The following ETV6 variants were observed in gnomAD, a reference collection of about 807,000 sequenced individuals.
The protein encoded by ETV6 is ETS variant transcription factor 6.
ETV6 carries 16 observed loss-of-function variants against 51.1 expected under a neutral mutation model. That is an observed-to-expected ratio of 0.31 (90% CI 0.21 to 0.48). The LOEUF is 0.48. Among genes scored for constraint, ETV6 ranks in the 20% least tolerant of loss-of-function variants. The pLI is 0.99. For missense variants in ETV6, 458 were observed against 594.8 expected (o/e 0.77, Z 2.39); for synonymous variants, 240 against 224.1 (o/e 1.07, Z -0.64).
intron 2 of ETV6, among the ~76,000 whole-genome samples, chr12:11,817,627 G>A (rs1416688574): frequency 6.6e-6 from 1 of 152,116 alleles, no homozygotes; most frequent in Non-Finnish European, 1.5e-5. Flanking sequence ...CCATTTTAAT[G>A]CACAAATCAT....
intron 1 of ETV6, among the ~76,000 whole-genome samples, chr12:11,655,497 C>T (rs1863984106): frequency 6.6e-6 from 1 of 152,160 alleles, no homozygotes; most frequent in African/African-American, 2.4e-5. Flanking sequence ...AAAACAAACA[C>T]ATTTTTATTG....
intron 1 of ETV6, among the ~76,000 whole-genome samples, chr12:11,746,181 C>T (rs906790791): frequency 6.6e-6 from 1 of 152,200 alleles, no homozygotes; most frequent in East Asian, 1.9e-4. Flanking sequence ...ACGAAATATT[C>T]GAAGGCTGCT....
chr12:11,719,877 G>A (rs573066597), intron 1 of ETV6, among the ~76,000 whole-genome samples: 5 of 152,306 alleles, frequency 3.3e-5, no homozygotes, highest in South Asian at 2.1e-4. Context: ...GATAGGAAGC[G>A]GTCCTGTGGT....
chr12:11,658,928 T>C (rs1325735726), intron 1 of ETV6, among the ~76,000 whole-genome samples: 4 of 152,200 alleles, frequency 2.6e-5, no homozygotes, highest in African/African-American at 9.6e-5. Context: ...AGCGCTCAAG[T>C]ATTTGAACCT....
At chr12:11,666,203 A>T (rs1864190903) in intron 1 of ETV6, among the ~76,000 whole-genome samples, 1 of 152,040 alleles carries the variant, frequency 6.6e-6, no homozygotes, top group Non-Finnish European at 1.5e-5. Flanking sequence ...GCTTGCTGAA[A>T]CTTCTCTGAG....
intron 1 of ETV6, among the ~76,000 whole-genome samples, chr12:11,714,677 T>A (rs563050478): frequency 7.5e-4 from 107 of 143,208 alleles, no homozygotes; most frequent in African/African-American, 2.6e-3. Context: ...AAAAAAGATC[T>A]GTGATGGAAG....
chr12:11,678,335 A>AG (rs1157565322), intron 1 of ETV6, among the ~76,000 whole-genome samples: 1 of 152,136 alleles, frequency 6.6e-6, no homozygotes, highest in Non-Finnish European at 1.5e-5. Context: ...GTCAGGAAGG[A>AG]GGTCTGTATG....
chr12:11,814,729 T>C (rs1002223130), intron 2 of ETV6, among the ~76,000 whole-genome samples: 10 of 152,232 alleles, frequency 6.6e-5, no homozygotes, highest in African/African-American at 2.4e-4. Flanking sequence ...GAAACATAAA[T>C]GCAGTATACA....
intron 1 of ETV6, among the ~76,000 whole-genome samples, chr12:11,692,013 G>C (rs1864776455): frequency 6.6e-6 from 1 of 152,168 alleles, no homozygotes; most frequent in Admixed American, 6.5e-5. Context: ...ACACTTCTAT[G>C]GTTTGAGTAT....
chr12:11,751,068 A>G (rs1565511296), intron 1 of ETV6, among the ~76,000 whole-genome samples: 3 of 152,126 alleles, frequency 2.0e-5, no homozygotes, highest in South Asian at 2.1e-4. Flanking sequence ...CAACTGCCCT[A>G]CTTGCTTCTG....
At chr12:11,744,663 G>A (rs1865874189) in intron 1 of ETV6, among the ~76,000 whole-genome samples, 1 of 152,164 alleles carries the variant, frequency 6.6e-6, no homozygotes, top group South Asian at 2.1e-4. Context: ...TTTGAGCAAA[G>A]GCAATCCTCT....
At chr12:11,801,564 A>G (rs1016932938) in intron 2 of ETV6, among the ~76,000 whole-genome samples, 1 of 152,222 alleles carries the variant, frequency 6.6e-6, no homozygotes, top group Admixed American at 6.5e-5. Flanking sequence ...TCACGCAGGC[A>G]TTTGCTATAG....
intron 1 of ETV6, among the ~76,000 whole-genome samples, chr12:11,743,215 CTTT>C (rs1865843200): frequency 6.6e-6 from 1 of 152,122 alleles, no homozygotes; most frequent in South Asian, 2.1e-4. Context: ...TTTTACGTTG[CTTT>C]TTAAGTACAG....
chr12:11,861,118 G>T (rs1161691791), intron 4 of ETV6, among the ~76,000 whole-genome samples: 1 of 152,132 alleles, frequency 6.6e-6, no homozygotes, highest in Non-Finnish European at 1.5e-5. Context: ...TAATCTTCTG[G>T]CTGTCTCCTT....
intron 2 of ETV6, among the ~76,000 whole-genome samples, chr12:11,772,270 C>CTTAAACCACA (rs1565520196): frequency 6.6e-6 from 1 of 152,180 alleles, no homozygotes; most frequent in African/African-American, 2.4e-5. Flanking sequence ...CAGAAAGACT[C>CTTAAACCACA]AGAGATCACT....
At chr12:11,805,689 C>T (rs1269380989) in intron 2 of ETV6, among the ~76,000 whole-genome samples, 1 of 152,174 alleles carries the variant, frequency 6.6e-6, no homozygotes, top group Non-Finnish European at 1.5e-5. Context: ...AAGCCCAGCC[C>T]AACTGGCATT....
intron 7 of ETV6, among the ~76,000 whole-genome samples, chr12:11,888,121 G>A (rs980943579): frequency 5.9e-5 from 9 of 152,322 alleles, no homozygotes; most frequent in East Asian, 1.9e-4. Flanking sequence ...ACTCAACAAC[G>A]TCTTTCTGTC....
chr12:11,684,333 T>TA (rs1398301399), intron 1 of ETV6, among the ~76,000 whole-genome samples: 2 of 152,252 alleles, frequency 1.3e-5, no homozygotes, highest in Non-Finnish European at 2.9e-5. Flanking sequence ...CATCCAGTAT[T>TA]ATTTAGCTTT....
chr12:11,669,707 G>A (rs1864275207), intron 1 of ETV6, among the ~76,000 whole-genome samples: 1 of 152,006 alleles, frequency 6.6e-6, no homozygotes, highest in Non-Finnish European at 1.5e-5. Context: ...ATTTTGGGGA[G>A]CTACCATTCA....
Sources: gnomAD v4.1 joint callset for allele counts (sites outside exome capture counted in the v4.1 genomes callset) on GRCh38, gnomAD v4.1.1 for gene constraint, MANE v1.5 for transcripts, NCBI Gene and HGNC (gene_info 2026-07-23, HGNC 2026-07-21) for gene names.